The following GAB2 variants were observed in gnomAD, a reference collection of about 807,000 sequenced individuals.
GAB2 encodes the protein GRB2 associated binding protein 2.
In GAB2, 26 loss-of-function variants were observed where a neutral mutation model predicts 65.5. That is an observed-to-expected ratio of 0.40 (90% CI 0.29 to 0.55). The LOEUF is 0.55. Among genes scored for constraint, GAB2 ranks in the 20% least tolerant of loss-of-function variants. The pLI, the probability that GAB2 is intolerant of heterozygous loss-of-function variation, is 0.53. For synonymous variants in GAB2, 321 were observed against 329.6 expected (o/e 0.97, Z 0.28); for missense variants, 884 against 875.8 (o/e 1.01, Z -0.12).
Position 78,220,369 on chromosome 11 carries a change from C to A in GAB2, c.1837G>T (p.Asp613Tyr). Residue 613 changes from aspartate to tyrosine, a missense_variant, in exon 9 of 10, where the codon GAT (aspartate) becomes TAT (tyrosine). Physicochemically the swap from Asp to Tyr is radical, Grantham distance 160. Transcript: ENST00000361507. ...GGCTGGAAGTCCAGGGCCAGATAATCAACGCTGCCGGTGCTCTTCTTAGGG... is the reference window on the plus strand; with the variant it reads ...GGCTGGAAGTCCAGGGCCAGATAATAAACGCTGCCGGTGCTCTTCTTAGGG... The part of the protein sequence containing the change: ...PAPKKSTGSV[D>Y]YLALDFQPSS... The A allele has an allele frequency of 6.2e-7, 1 of 1,613,064 alleles. No individual in the cohort carries two copies. Among genetic ancestry groups the A allele is most frequent in the Non-Finnish European group, 8.5e-7 (1 of 1,179,438 alleles).
chr11:78,269,544 C>A (rs1865957700), intron 2 of GAB2, among the ~76,000 whole-genome samples: 1 of 152,138 alleles, frequency 6.6e-6, no homozygotes. Flanking sequence ...TTTAAGGCAC[C>A]AGTCATTCTC....
intron 1 of GAB2, among the ~76,000 whole-genome samples, chr11:78,367,692 A>G (rs916758560): frequency 6.6e-6 from 1 of 152,340 alleles, no homozygotes; most frequent in South Asian, 2.1e-4. Flanking sequence ...ATATAGTGTT[A>G]TAAACCAAGT....
chr11:78,265,585 C>A (rs1865855078), intron 2 of GAB2, among the ~76,000 whole-genome samples: 1 of 152,154 alleles, frequency 6.6e-6, no homozygotes, highest in African/African-American at 2.4e-5. Context: ...CAAATAAAAG[C>A]AAACAATAAA....
intron 2 of GAB2, among the ~76,000 whole-genome samples, chr11:78,267,857 C>CAAAAAAAAAAAAAAA (rs751533828): frequency 1.5e-4 from 5 of 32,800 alleles, no homozygotes; most frequent in East Asian, 3.3e-3. Context: ...GACTCCGTCT[C>CAAAAAAAAAAAAAAA]AAAAAAAAAA....
At chr11:78,376,749 G>C (rs1479886308) in intron 1 of GAB2, among the ~76,000 whole-genome samples, 1 of 152,052 alleles carries the variant, frequency 6.6e-6, no homozygotes, top group Non-Finnish European at 1.5e-5. Flanking sequence ...CTGTGACTAG[G>C]GAAGTGTCTT....
rs141672458 is a variant in GAB2 at position 78,244,694 on chromosome 11, G to A, written c.620+5463C>T. ...AAAAAAAAAAAAAAAAAAGCTTGCC[G>A]TCTCACTAATCAGCAGGGAAATGCA... On this transcript the variant is annotated intron_variant, in intron 3 of 9. Transcript: ENST00000361507. Among the ~76,000 whole-genome samples, 463 of 129,606 alleles carry A rather than the reference G, an allele frequency of 3.6e-3. 3 individuals are homozygous for A. Among genetic ancestry groups the A allele is most frequent in the Non-Finnish European group, 4.8e-3 (301 of 62,278 alleles). The allele number at this position is 129,606 out of a possible 152,430, so 85.0% of individuals were successfully genotyped here. A position where few individuals can be genotyped will look rare whatever the true frequency, so the allele number is the denominator to read the frequency against.
chr11:78,367,233 T>C (rs1278648958), intron 1 of GAB2, among the ~76,000 whole-genome samples: 4 of 152,202 alleles, frequency 2.6e-5, no homozygotes, highest in Non-Finnish European at 2.9e-5. Context: ...ACCTACTTTG[T>C]GCCAGACAAC....
chr11:78,367,788 T>C (rs1856515401), intron 1 of GAB2, among the ~76,000 whole-genome samples: 2 of 151,552 alleles, frequency 1.3e-5, no homozygotes, highest in East Asian at 3.9e-4. Flanking sequence ...TCAGAAAACA[T>C]CTCAGAATAT....
intron 1 of GAB2, among the ~76,000 whole-genome samples, chr11:78,402,182 C>T (rs921340904): frequency 3.9e-5 from 6 of 152,304 alleles, no homozygotes; most frequent in Middle Eastern, 3.4e-3. Context: ...TGTCCTTGCA[C>T]ACACTGTGTA....
intron 1 of GAB2, among the ~76,000 whole-genome samples, chr11:78,287,223 T>C (rs1168325326): frequency 6.6e-6 from 1 of 152,240 alleles, no homozygotes; most frequent in East Asian, 1.9e-4. Context: ...GAGGGGAGCT[T>C]CTTCAACTTG....
chr11:78,321,254 G>A lies in GAB2; in HGVS notation c.76-40353C>T, dbSNP rs184107643. Among the ~76,000 whole-genome samples the A allele has an allele frequency of 2.0e-5, 3 of 152,254 alleles. No individual in the cohort carries two copies. In the East Asian group the frequency reaches 5.8e-4, roughly 29 times the overall value. ...AAGAGCTGTGAGAGAGGAAAGAAGG[G>A]GAACAGATGTTTCCGACATCACTCC... On this transcript the variant is annotated intron_variant, in intron 1 of 9. Transcript: ENST00000361507.
chr11:78,411,164 G>GC (rs1857124165), intron 1 of GAB2, among the ~76,000 whole-genome samples: 1 of 151,028 alleles, frequency 6.6e-6, no homozygotes, highest in African/African-American at 2.4e-5. Context: ...GTGGTTGGGG[G>GC]GGGGGATGGT....
chr11:78,237,597 T>G (rs775710999), intron 3 of GAB2, among the ~76,000 whole-genome samples: 1 of 152,190 alleles, frequency 6.6e-6, no homozygotes, highest in East Asian at 1.9e-4. Flanking sequence ...TGACTGTACT[T>G]CAATTTCTTC....
At chr11:78,241,689 C>T (rs1053957577) in intron 3 of GAB2, among the ~76,000 whole-genome samples, 1 of 151,390 alleles carries the variant, frequency 6.6e-6, no homozygotes, top group Admixed American at 6.6e-5. Flanking sequence ...GCTTCAACAG[C>T]AAACTTGATC....
At chr11:78,222,647 A>G (rs1377441856) in intron 6 of GAB2, among the ~76,000 whole-genome samples, 14 of 151,914 alleles carry the variant, frequency 9.2e-5, no homozygotes, top group African/African-American at 2.7e-4. Flanking sequence ...CAGCGGCGCA[A>G]TCTCAGCTCA....
In GAB2 at chr11:78,225,107, C is replaced by A. The variant is rs755390039; in HGVS notation, c.1302+1G>T. The A allele has an allele frequency of 6.2e-7, 1 of 1,605,244 alleles. No individual in the cohort carries two copies. Among genetic ancestry groups the A allele is most frequent in the African/African-American group, 1.3e-5 (1 of 74,668 alleles). On this transcript the variant is annotated splice_donor_variant, in intron 5 of 9. Coordinates refer to ENST00000361507, the MANE Select transcript of GAB2 (RefSeq NM_080491.3). LOFTEE classifies it high-confidence loss of function. ...GGACCCTTGGGTTAACCCACACTCA[C>A]CAGGAAAGAGCCAACTCCATCACTC...
At chr11:78,333,735 C>G (rs759342296) in intron 1 of GAB2, among the ~76,000 whole-genome samples, 2 of 151,550 alleles carry the variant, frequency 1.3e-5, no homozygotes, top group African/African-American at 4.9e-5. Flanking sequence ...TAGATACTTA[C>G]TGCTGCTCTT....
At chr11:78,370,270 A>G (rs1009514549) in intron 1 of GAB2, among the ~76,000 whole-genome samples, 4 of 151,056 alleles carry the variant, frequency 2.6e-5, no homozygotes, top group South Asian at 2.1e-4. Context: ...AAAAAAAAAA[A>G]AAAAGAAAAG....
intron 1 of GAB2, among the ~76,000 whole-genome samples, chr11:78,308,345 T>G (rs1036266073): frequency 3.9e-5 from 6 of 151,992 alleles, no homozygotes; most frequent in African/African-American, 1.5e-4. Context: ...CCAGGCTGGG[T>G]GACAGAGCAA....
Sources: gnomAD v4.1 joint callset for allele counts (sites outside exome capture counted in the v4.1 genomes callset) on GRCh38, gnomAD v4.1.1 for gene constraint, MANE v1.5 for transcripts, NCBI Gene and HGNC (gene_info 2026-07-23, HGNC 2026-07-21) for gene names.